Variants in PRKD1 observed in about 807,000 individuals in gnomAD.
PRKD1 encodes serine/threonine-protein kinase D1.
PRKD1 carries 63 observed loss-of-function variants against 95.9 expected under a neutral mutation model. That is an observed-to-expected ratio of 0.66 (90% CI 0.54 to 0.81). PRKD1 has a LOEUF of 0.81. PRKD1 is among the 30% of genes least tolerant of loss of function. PRKD1 has a pLI of 0.00. For missense variants in PRKD1, 1,048 were observed against 1,165.3 expected (o/e 0.90, Z 1.47); for synonymous variants, 425 against 423.1 (o/e 1.00, Z -0.05).
chr14:29,752,608 T>C (rs1052639236), intron 1 of PRKD1, among the ~76,000 whole-genome samples: 4 of 151,414 alleles, frequency 2.6e-5, no homozygotes, highest in Non-Finnish European at 1.5e-5. Context: ...GAAATGTTTG[T>C]ACCAATTAGA....
intron 2 of PRKD1, among the ~76,000 whole-genome samples, chr14:29,682,508 G>A (rs939744197): frequency 3.9e-5 from 6 of 152,126 alleles, no homozygotes; most frequent in Admixed American, 6.5e-5. Flanking sequence ...AACCTTCCCC[G>A]AATCCCACTT....
At chr14:29,608,874 T>C (rs1878218371) in intron 13 of PRKD1, among the ~76,000 whole-genome samples, 1 of 152,202 alleles carries the variant, frequency 6.6e-6, no homozygotes, top group Non-Finnish European at 1.5e-5. Context: ...TAATCATCTT[T>C]TGGGGGTACC....
intron 4 of PRKD1, among the ~76,000 whole-genome samples, chr14:29,641,200 A>G (rs1880736217): frequency 1.3e-5 from 2 of 152,202 alleles, no homozygotes; most frequent in Admixed American, 1.3e-4. Context: ...TCCTTGGCAC[A>G]GAATATGTAA....
At chr14:29,849,758 A>C (rs77357400) in intron 1 of PRKD1, among the ~76,000 whole-genome samples, 8 of 151,946 alleles carry the variant, frequency 5.3e-5, no homozygotes, top group Admixed American at 4.6e-4. Context: ...TAAAAAAAAA[A>C]CTGCAGTTCG....
At chr14:29,687,044 A>T (rs1452913536) in intron 2 of PRKD1, among the ~76,000 whole-genome samples, 3 of 152,120 alleles carry the variant, frequency 2.0e-5, no homozygotes, top group Non-Finnish European at 4.4e-5. Context: ...CTCCTGAGGC[A>T]AAGGTCATGC....
intron 1 of PRKD1, among the ~76,000 whole-genome samples, chr14:29,750,525 G>C (rs149343529): frequency 6.6e-6 from 1 of 151,990 alleles, no homozygotes; most frequent in Non-Finnish European, 1.5e-5. Flanking sequence ...TCAGGATCAC[G>C]AATGGCCAGA....
rs575923412 is a variant in PRKD1 at position 29,620,032 on chromosome 14, T to C, written c.1905+4120A>G. The stretch of plus-strand genomic sequence containing the variant: ...AGAAATGACGCCGCATATCTACAAC[T>C]GTCTGATCTTTGACAAACCTGAGAA... On this transcript the variant is annotated intron_variant, in intron 13 of 17. Transcript: ENST00000331968. 7.9e-5 allele frequency among the ~76,000 whole-genome samples: 12 copies of C among 152,128 alleles called. No individual in the cohort carries two copies. In the East Asian group the frequency reaches 2.1e-3, roughly 27 times the overall value.
At chr14:29,651,250 A>G (rs949525600) in intron 4 of PRKD1, among the ~76,000 whole-genome samples, 62 of 152,336 alleles carry the variant, frequency 4.1e-4, no homozygotes, top group African/African-American at 1.3e-3. Flanking sequence ...ACAGAAAAGC[A>G]CTCACTCAAT....
chr14:29,647,625 G>A (rs772525292), intron 4 of PRKD1, among the ~76,000 whole-genome samples: 19 of 152,230 alleles, frequency 1.2e-4, no homozygotes, highest in Non-Finnish European at 2.2e-4. Flanking sequence ...AAAAGAGACT[G>A]TGACACTGAT....
At chr14:29,784,574 G>A (rs751786814) in intron 1 of PRKD1, among the ~76,000 whole-genome samples, 3 of 152,080 alleles carry the variant, frequency 2.0e-5, no homozygotes, top group Non-Finnish European at 1.5e-5. Flanking sequence ...ACTTTCAAAA[G>A]GGTTTTGTAA....
At chr14:29,778,449 C>T (rs777521234) in intron 1 of PRKD1, among the ~76,000 whole-genome samples, 1 of 151,942 alleles carries the variant, frequency 6.6e-6, no homozygotes, top group Non-Finnish European at 1.5e-5. Context: ...AAAATGATAA[C>T]AGGGTTATCA....
At chr14:29,750,785 T>G (rs956083395) in intron 1 of PRKD1, among the ~76,000 whole-genome samples, 1 of 152,148 alleles carries the variant, frequency 6.6e-6, no homozygotes, top group African/African-American at 2.4e-5. Flanking sequence ...CCCTCAAAAT[T>G]ACAATGAAAT....
intron 13 of PRKD1, among the ~76,000 whole-genome samples, chr14:29,619,551 G>C (rs1879104447): frequency 1.3e-5 from 2 of 152,178 alleles, no homozygotes; most frequent in South Asian, 4.1e-4. Flanking sequence ...CCAAGGTTGA[G>C]AGTGGTGAGA....
At chr14:29,867,915 T>C (rs936360676) in intron 1 of PRKD1, among the ~76,000 whole-genome samples, 5 of 152,168 alleles carry the variant, frequency 3.3e-5, no homozygotes, top group Non-Finnish European at 7.4e-5. Context: ...GGAAACAGGG[T>C]GGGATTAGTC....
At chr14:29,867,578 C>A (rs1264311257) in intron 1 of PRKD1, among the ~76,000 whole-genome samples, 2 of 152,190 alleles carry the variant, frequency 1.3e-5, no homozygotes, top group South Asian at 2.1e-4. Context: ...TGAGCTATGA[C>A]AAAGACTCTG....
intron 4 of PRKD1, among the ~76,000 whole-genome samples, chr14:29,661,188 A>G (rs1882167698): frequency 6.6e-6 from 1 of 152,212 alleles, no homozygotes; most frequent in Non-Finnish European, 1.5e-5. Flanking sequence ...TTATAGTCAA[A>G]ATAGGCAATC....
At chr14:29,738,847 G>C (rs1594473647) in intron 1 of PRKD1, among the ~76,000 whole-genome samples, 1 of 121,948 alleles carries the variant, frequency 8.2e-6, no homozygotes, top group Non-Finnish European at 1.7e-5. Context: ...TTTTTTTTTG[G>C]AGACAGAGTC....
chr14:29,687,335 T>C (rs933171006), intron 2 of PRKD1, among the ~76,000 whole-genome samples: 1 of 152,126 alleles, frequency 6.6e-6, no homozygotes, highest in African/African-American at 2.4e-5. Context: ...TCTTCAGATT[T>C]TTGATGGGAA....
intron 1 of PRKD1, among the ~76,000 whole-genome samples, chr14:29,763,954 T>C (rs556301268): frequency 3.3e-5 from 5 of 152,318 alleles, no homozygotes; most frequent in Middle Eastern, 3.4e-3. Flanking sequence ...TTATTGATTA[T>C]AATTTGCTCT....
Sources: gnomAD v4.1 joint callset for allele counts (sites outside exome capture counted in the v4.1 genomes callset) on GRCh38, gnomAD v4.1.1 for gene constraint, MANE v1.5 for transcripts, NCBI Gene and HGNC (gene_info 2026-07-23, HGNC 2026-07-21) for gene names.